The following TPTE variants were observed in gnomAD, a reference collection of about 807,000 sequenced individuals.
TPTE encodes putative tyrosine-protein phosphatase TPTE.
A neutral mutation model predicts 84.1 loss-of-function variants in TPTE; 59 were observed. The observed-to-expected ratio is 0.70, with a 90% CI of 0.57 to 0.87. The LOEUF (loss-of-function observed/expected upper bound fraction) is 0.87. Among genes scored for constraint, TPTE ranks in the 40% least tolerant of loss-of-function variants. The probability of loss-of-function intolerance (pLI) is 0.00; values close to 1 mark genes in which losing one functional copy is unlikely to be tolerated. For missense variants in TPTE, 382 were observed against 659.6 expected, an observed-to-expected ratio of 0.58 and a Z score of 4.61; for synonymous variants, 130 against 223.5, an observed-to-expected ratio of 0.58 and a Z score of 3.73.
At chr21:10,586,770 A>G (rs1188451868) in intron 17 of TPTE, among the ~76,000 whole-genome samples, 7 of 152,298 alleles carry the variant, frequency 4.6e-5, no homozygotes, top group African/African-American at 1.7e-4. Context: ...GCCTGCATCT[A>G]GAAATCTTCC....
At chr21:10,533,981 A>T (rs561474080) in intron 3 of TPTE, among the ~76,000 whole-genome samples, 1 of 152,426 alleles carries the variant, frequency 6.6e-6, no homozygotes, top group Admixed American at 6.5e-5. Context: ...TTACAGCTGG[A>T]TGTTTTGTCT....
intron 17 of TPTE, among the ~76,000 whole-genome samples, chr21:10,589,705 A>T (rs1418749747): frequency 6.6e-6 from 1 of 152,312 alleles, no homozygotes; most frequent in Non-Finnish European, 1.5e-5. Flanking sequence ...AGACAGAGGG[A>T]TGCTGTCTGC....
intron 2 of TPTE, among the ~76,000 whole-genome samples, chr21:10,525,583 T>C (rs1319144133): frequency 6.6e-6 from 1 of 152,312 alleles, no homozygotes; most frequent in Admixed American, 6.5e-5. Flanking sequence ...TACTTTTCAT[T>C]ATAACCTGGT....
At chr21:10,531,039 G>A (rs2074169130) in intron 3 of TPTE, among the ~76,000 whole-genome samples, 1 of 152,304 alleles carries the variant, frequency 6.6e-6, no homozygotes, top group African/African-American at 2.4e-5. Context: ...TGCTGTTTTT[G>A]AATATTTTAT....
At chr21:10,580,460 T>C (rs560015670) in intron 17 of TPTE, among the ~76,000 whole-genome samples, 10 of 152,408 alleles carry the variant, frequency 6.6e-5, no homozygotes, top group African/African-American at 2.2e-4. Context: ...TTCACCTATC[T>C]TTTCTTCTAG....
At chr21:10,558,941 T>C (rs1262285062) in intron 8 of TPTE, among the ~76,000 whole-genome samples, 6 of 152,414 alleles carry the variant, frequency 3.9e-5, no homozygotes, top group African/African-American at 1.4e-4. Context: ...TGTTTCTCCT[T>C]TGAAGTATAT....
At chr21:10,552,483 C>T (rs1325556171) in intron 7 of TPTE, among the ~76,000 whole-genome samples, 174 bp from the exon 8 acceptor site, 3 of 152,310 alleles carry the variant, frequency 2.0e-5, no homozygotes, top group African/African-American at 7.2e-5. Context: ...GAAAGAGTTT[C>T]TGGTTAATGA....
In TPTE at chr21:10,586,737, C is replaced by T. The variant is rs563722960; in HGVS notation, c.1028-3725C>T. On this transcript the variant is annotated intron_variant, in intron 17 of 23. Coordinates refer to ENST00000618007, the MANE Select transcript of TPTE (RefSeq NM_199261.4). ...ATTTCAACCTGCATCCTTGATTTAG[C>T]TATTAATTTTTGTTTATGTTGAGCC... 3.3e-5 allele frequency among the ~76,000 whole-genome samples: 5 copies of T among 152,416 alleles called. No individual in the cohort carries two copies. In the South Asian group the frequency reaches 1.0e-3, roughly 32 times the overall value.
At chr21:10,534,789 G>A (rs2074239342) in intron 3 of TPTE, among the ~76,000 whole-genome samples, 1 of 152,304 alleles carries the variant, frequency 6.6e-6, no homozygotes, top group African/African-American at 2.4e-5. Flanking sequence ...TTCTTTTTGG[G>A]TCTAGTTGGA....
intron 10 of TPTE, among the ~76,000 whole-genome samples, chr21:10,562,174 T>G (rs991057017): frequency 3.9e-5 from 6 of 152,428 alleles, no homozygotes; most frequent in Non-Finnish European, 7.3e-5. Context: ...AACCAGAGTT[T>G]AGGAGGCTTG....
chr21:10,545,634 C>T (rs991494860), intron 7 of TPTE, among the ~76,000 whole-genome samples: 3 of 147,400 alleles, frequency 2.0e-5, no homozygotes, highest in Non-Finnish European at 4.5e-5. Flanking sequence ...AAGGATCTAT[C>T]TACACACACA....
At chr21:10,597,369 G>T (rs1191826782) in intron 20 of TPTE, among the ~76,000 whole-genome samples, 1 of 152,288 alleles carries the variant, frequency 6.6e-6, no homozygotes, top group African/African-American at 2.4e-5. Flanking sequence ...TAGCAAGAAA[G>T]GTTGCAAAGG....
chr21:10,546,457 AG>A (rs2074469587), intron 7 of TPTE, among the ~76,000 whole-genome samples: 1 of 152,306 alleles, frequency 6.6e-6, no homozygotes, highest in African/African-American at 2.4e-5. Context: ...AGTGAAGGGA[AG>A]AGTCACATGT....
intron 3 of TPTE, among the ~76,000 whole-genome samples, chr21:10,528,240 T>C (rs1369820051): frequency 3.3e-5 from 5 of 152,306 alleles, no homozygotes; most frequent in Non-Finnish European, 4.4e-5. Flanking sequence ...TGTTTCTTAC[T>C]ATTTACCTTT....
intron 7 of TPTE, among the ~76,000 whole-genome samples, chr21:10,548,769 C>T (rs2074519085): frequency 6.6e-6 from 1 of 152,312 alleles, no homozygotes; most frequent in Admixed American, 6.5e-5. Context: ...GCTGTGTACC[C>T]ACATACCAGT....
At chr21:10,523,916 A>C (rs1009231446) in intron 1 of TPTE, among the ~76,000 whole-genome samples, 7 of 152,308 alleles carry the variant, frequency 4.6e-5, no homozygotes, top group Non-Finnish European at 8.8e-5. Flanking sequence ...TCCCACCAAC[A>C]GTGTAAAAGT....
chr21:10,558,873 G>T (rs1290725515), intron 8 of TPTE, among the ~76,000 whole-genome samples: 61 of 152,378 alleles, frequency 4.0e-4, no homozygotes, highest in African/African-American at 1.5e-3. Flanking sequence ...CATTATTGGA[G>T]GCTCCATCAA....
intron 8 of TPTE, among the ~76,000 whole-genome samples, chr21:10,554,838 T>G (rs1198314785): frequency 1.3e-5 from 2 of 152,310 alleles, no homozygotes; most frequent in African/African-American, 2.4e-5. Flanking sequence ...AAATTTACTT[T>G]TCTCCTAAGT....
rs561180417 is a variant in TPTE at position 10,566,103 on chromosome 21, T to C, written c.447-1567T>C. On this transcript the variant is annotated intron_variant, in intron 10 of 23. Coordinates refer to ENST00000618007, the MANE Select transcript of TPTE (RefSeq NM_199261.4). ...AGAATGGGAGAAAATATTTGCAAAC[T>C]ACCCATCTGAAAAGGGATTAATAAC... Among the ~76,000 whole-genome samples, 4 of 152,430 alleles carry C rather than the reference T, an allele frequency of 2.6e-5. No homozygotes were observed. The East Asian group carries it at 5.8e-4, about 22-fold the overall frequency.
Sources: allele counts gnomAD v4.1 joint callset (sites outside exome capture counted in the v4.1 genomes callset), GRCh38; gene constraint gnomAD v4.1.1; transcripts MANE v1.5; gene names NCBI Gene and HGNC (gene_info 2026-07-23, HGNC 2026-07-21).